The following NSUN7 variants were observed in gnomAD, a reference collection of about 807,000 sequenced individuals.
NSUN7 encodes protein NSUN7.
NSUN7 carries 39 observed loss-of-function variants against 58.5 expected under a neutral mutation model. The ratio of observed to expected loss-of-function variants is 0.67; its 90% CI spans 0.52 to 0.87. The LOEUF (loss-of-function observed/expected upper bound fraction) is 0.87. Ranked by LOEUF, NSUN7 falls within the 40% of genes least tolerant of loss-of-function variation. The pLI is 0.00. For synonymous variants in NSUN7, 278 were observed against 303.7 expected (o/e 0.92, Z 0.88); for missense variants, 765 against 844.1 (o/e 0.91, Z 1.16).
intron 11 of NSUN7, 78 bp from the exon 12 acceptor site, chr4:40,808,229 C>T: frequency 6.9e-7 from 1 of 1,453,988 alleles, no homozygotes; most frequent in Non-Finnish European, 9.3e-7. Flanking sequence ...TTTATTTTTA[C>T]TGATACATTG....
At chr4:40,801,765 G>A (rs1743590820) in intron 10 of NSUN7, among the ~76,000 whole-genome samples, 2 of 151,862 alleles carry the variant, frequency 1.3e-5, no homozygotes, top group Admixed American at 6.6e-5. Context: ...CACGTGTGGT[G>A]GTGGTGTACT....
At chr4:40,766,329 A>G (rs927945128) in intron 4 of NSUN7, among the ~76,000 whole-genome samples, 2 of 151,872 alleles carry the variant, frequency 1.3e-5, no homozygotes, top group South Asian at 4.2e-4. Context: ...TTCTGCATCT[A>G]TTGAGATAAT....
chr4:40,799,015 G>T, intron 10 of NSUN7, 111 bp downstream of exon 10: 40 of 221,056 alleles, frequency 1.8e-4, no homozygotes, highest in East Asian at 4.2e-4. Context: ...TTATACTTTA[G>T]TATGATAAAA....
Position 40,758,427 on chromosome 4 carries a change from G to A in NSUN7, c.299-2007G>A, listed in dbSNP as rs190391871. 9.9e-5 allele frequency among the ~76,000 whole-genome samples: 15 copies of A among 152,262 alleles called. No homozygotes were observed. In the East Asian group the frequency reaches 2.9e-3, roughly 29 times the overall value. Reference sequence around the variant, plus strand: ...TAATTACCTTGTGAAGTACAAGTACGTAATTGTGGCTAGAATGTGGATAAC... The same window carrying A: ...TAATTACCTTGTGAAGTACAAGTACATAATTGTGGCTAGAATGTGGATAAC... On this transcript the variant is annotated intron_variant, in intron 2 of 11. Transcript: ENST00000381782.
intron 9 of NSUN7, among the ~76,000 whole-genome samples, chr4:40,796,626 T>C (rs954290357): frequency 6.6e-6 from 1 of 152,126 alleles, no homozygotes; most frequent in African/African-American, 2.4e-5. Flanking sequence ...CAAGACCCCA[T>C]CTATTAAAAA....
chr4:40,790,757 A>AAT lies in NSUN7; in HGVS notation c.1180+13_1180+14dup. 6.5e-7 allele frequency: 1 copy of AAT among 1,538,558 alleles called. No homozygotes were observed. Among genetic ancestry groups the AAT allele is most frequent in the East Asian group, 2.3e-5 (1 of 43,698 alleles). On this transcript the variant is annotated intron_variant, in intron 8 of 11. Coordinates refer to ENST00000381782, the MANE Select transcript of NSUN7 (RefSeq NM_024677.6). The stretch of plus-strand genomic sequence containing the variant: ...AAATGAACATGAAGGTACTTGTTTT[A>AAT]ATTTCTAAATTATTGAAATTAGTTG...
intron 7 of NSUN7, among the ~76,000 whole-genome samples, chr4:40,782,392 C>T (rs115367060): frequency 0.011 from 1,628 of 151,674 alleles, 34 homozygotes; most frequent in African/African-American, 0.036. Flanking sequence ...GGCAAAACCC[C>T]GTCTCTATAA....
chr4:40,795,160 A>G (rs1298167031), intron 9 of NSUN7, among the ~76,000 whole-genome samples: 1 of 152,184 alleles, frequency 6.6e-6, no homozygotes, highest in Non-Finnish European at 1.5e-5. Flanking sequence ...CCTGACCTGC[A>G]AAGGCTTAAA....
rs1553919775 is a variant in NSUN7, at chr4:40,799,073, C to CTTTTTGTTTTT, written c.1400+174_1400+175insGTTTTTTTTTT. Among the ~76,000 whole-genome samples, 32 of 76,238 alleles carry CTTTTTGTTTTT rather than the reference C, an allele frequency of 4.2e-4. 5 individuals are homozygous for CTTTTTGTTTTT. Among genetic ancestry groups the CTTTTTGTTTTT allele is most frequent in the East Asian group, 7.0e-4 (2 of 2,866 alleles). 50.0% of individuals were successfully genotyped at this position (76,238 alleles called of 152,430 possible). A position where few individuals can be genotyped will look rare whatever the true frequency, so the allele number is the denominator to read the frequency against. On this transcript the variant is annotated intron_variant, in intron 10 of 11. Transcript: ENST00000381782. ...AACCAAGATTCCATAGGGCCTTTTT[C>CTTTTTGTTTTT]TTTTTTTTTTTTTTTTTTTTTTTTT...
At chr4:40,766,561 T>C (rs1284176045) in intron 4 of NSUN7, among the ~76,000 whole-genome samples, 1 of 152,248 alleles carries the variant, frequency 6.6e-6, no homozygotes, top group African/African-American at 2.4e-5. Context: ...GCTGTGTCTC[T>C]GCCTGGCTTT....
At chr4:40,766,044 T>A (rs1055669519) in intron 4 of NSUN7, among the ~76,000 whole-genome samples, 2 of 152,158 alleles carry the variant, frequency 1.3e-5, no homozygotes, top group African/African-American at 4.8e-5. Context: ...CAATTTGACT[T>A]CCTCTTTTCC....
chr4:40,794,589 C>T lies in NSUN7; in HGVS notation c.1282+113C>T, dbSNP rs1012408013. The T allele has an allele frequency of 8.5e-6, 5 of 586,916 alleles. No homozygotes were observed. In the Admixed American group the frequency reaches 9.8e-5, roughly 11 times the overall value. The allele number at this position is 586,916 out of a possible 1,614,324, so 36.4% of individuals were successfully genotyped here. On this transcript the variant is annotated intron_variant, in intron 9 of 11. Transcript: ENST00000381782. ...GAAGTGTGAGCCATGAGCACATTTT[C>T]CAGAACATTCAGTCTTACTGCCTTC...
rs1338709562 is a variant in NSUN7 at position 40,808,813 on chromosome 4, T to A, written c.2031T>A (p.Cys677Ter). 1.2e-5 allele frequency: 19 copies of A among 1,549,456 alleles called. No homozygotes were observed. The highest frequency in any genetic ancestry group is 1.5e-5 in the Non-Finnish European group (17 of 1,146,616). Residue 677 changes from cysteine to a stop codon, truncating the protein, a stop_gained, in exon 12 of 12, where the codon TGT (cysteine) becomes TGA (stop). Coordinates refer to ENST00000381782, the MANE Select transcript of NSUN7 (RefSeq NM_024677.6). LOFTEE classifies it low-confidence loss of function (END_TRUNC). ...GGATGCCAACTCAACATTTGTACTG[T>A]CGTTGGGTTGCACCCAAGGCACTTG... ...RSRMPTQHLY[C>*]RWVAPKALVP... is the part of the protein sequence containing the mutation.
intron 7 of NSUN7, chr4:40,786,410 T>C: frequency 6.2e-7 from 1 of 1,612,050 alleles, no homozygotes; most frequent in Non-Finnish European, 8.5e-7. Flanking sequence ...GTGTTTGTTG[T>C]GGACTCTGTT....
intron 10 of NSUN7, among the ~76,000 whole-genome samples, chr4:40,802,854 A>G (rs1743648766): frequency 6.8e-6 from 1 of 148,032 alleles, no homozygotes. Flanking sequence ...TTAGTTACAT[A>G]TGTATACATG....
chr4:40,773,894 G>A (rs1377023444), intron 4 of NSUN7, among the ~76,000 whole-genome samples: 2 of 151,980 alleles, frequency 1.3e-5, no homozygotes, highest in Non-Finnish European at 2.9e-5. Context: ...CGCCTCCTGG[G>A]TTCAAGTGAT....
At chr4:40,786,488 G>C in intron 7 of NSUN7, 1 of 1,613,008 alleles carries the variant, frequency 6.2e-7, no homozygotes, top group Non-Finnish European at 8.5e-7. Context: ...GAAAATCAAG[G>C]AGTCCCTGTA....
intron 9 of NSUN7, among the ~76,000 whole-genome samples, 172 bp downstream of exon 9, chr4:40,794,648 C>A (rs1003924339): frequency 6.6e-6 from 1 of 152,162 alleles, no homozygotes; most frequent in African/African-American, 2.4e-5. Context: ...CCAATTTAAT[C>A]TGTTTTTAGA....
At chr4:40,751,325 A>G (rs1740823232) in intron 2 of NSUN7, among the ~76,000 whole-genome samples, 1 of 150,810 alleles carries the variant, frequency 6.6e-6, no homozygotes. Flanking sequence ...GTCTCGCTTT[A>G]TTGTCTGGGC....
Sources: gnomAD v4.1 joint callset for allele counts (sites outside exome capture counted in the v4.1 genomes callset) on GRCh38, gnomAD v4.1.1 for gene constraint, MANE v1.5 for transcripts, NCBI Gene and HGNC (gene_info 2026-07-23, HGNC 2026-07-21) for gene names.